Variants in TCERG1L observed in about 807,000 individuals in gnomAD.
TCERG1L encodes the protein transcription elongation regulator 1 like, also known as transcription elongation regulator 1-like protein.
Under a neutral mutation model 56.3 loss-of-function variants are expected in TCERG1L, and 37 were observed. That is an observed-to-expected ratio of 0.66 (90% CI 0.51 to 0.87). The LOEUF is 0.87. TCERG1L is among the 40% of genes least tolerant of loss of function. TCERG1L has a pLI of 0.00. For missense variants in TCERG1L, 799 were observed against 774.2 expected, an observed-to-expected ratio of 1.03 and a Z score of -0.38; for synonymous variants, 324 against 326.3, an observed-to-expected ratio of 0.99 and a Z score of 0.08.
intron 4 of TCERG1L, among the ~76,000 whole-genome samples, chr10:131,213,665 T>A (rs10765055): frequency 1.3e-5 from 2 of 152,122 alleles, no homozygotes; most frequent in East Asian, 1.9e-4. Context: ...TCCATCAGCC[T>A]CAGGTTCCAG....
chr10:131,162,947 T>G (rs2133430943), intron 6 of TCERG1L, 175 bp downstream of exon 6: 1 of 525,868 alleles, frequency 1.9e-6, no homozygotes, highest in Admixed American at 3.7e-5. Context: ...GCTGTTTTTT[T>G]CTTTCTGCAG....
At chr10:131,291,312 T>G (rs2133573406) in intron 3 of TCERG1L, among the ~76,000 whole-genome samples, 1 of 151,130 alleles carries the variant, frequency 6.6e-6, no homozygotes, top group South Asian at 2.1e-4. Flanking sequence ...ATATATTTCA[T>G]ATATATCTGT....
chr10:131,232,182 C>A (rs1458542189), intron 4 of TCERG1L, among the ~76,000 whole-genome samples: 1 of 152,258 alleles, frequency 6.6e-6, no homozygotes, highest in Non-Finnish European at 1.5e-5. Flanking sequence ...TTCATTCTCA[C>A]GCGCTGTCAT....
chr10:131,276,678 T>C (rs1331334631), intron 3 of TCERG1L, among the ~76,000 whole-genome samples: 3 of 152,108 alleles, frequency 2.0e-5, no homozygotes, highest in South Asian at 4.2e-4. Flanking sequence ...TTAAGATGAT[T>C]AAATGCCTCA....
At chr10:131,124,986 T>C (rs1845549838) in intron 8 of TCERG1L, among the ~76,000 whole-genome samples, 1 of 152,260 alleles carries the variant, frequency 6.6e-6, no homozygotes, top group Admixed American at 6.5e-5. Context: ...GATGGCTCAC[T>C]GTGTCAAACC....
At chr10:131,209,991 C>T (rs1281589562) in intron 4 of TCERG1L, among the ~76,000 whole-genome samples, 2 of 152,130 alleles carry the variant, frequency 1.3e-5, no homozygotes, top group South Asian at 2.1e-4. Flanking sequence ...GTCGTAATTT[C>T]GCTGTGCCAG....
chr10:131,177,602 G>A (rs971974577), intron 4 of TCERG1L, among the ~76,000 whole-genome samples: 2 of 152,212 alleles, frequency 1.3e-5, no homozygotes, highest in African/African-American at 2.4e-5. Flanking sequence ...TGGCTACCAC[G>A]CTGTCTCCCC....
At chr10:131,217,871 G>A (rs778899029) in intron 4 of TCERG1L, among the ~76,000 whole-genome samples, 26 of 151,816 alleles carry the variant, frequency 1.7e-4, no homozygotes, top group Non-Finnish European at 3.1e-4. Context: ...ACATGCGCCC[G>A]CCACCACGCC....
chr10:131,292,710 C>T (rs1020045575), intron 3 of TCERG1L, among the ~76,000 whole-genome samples: 1 of 152,062 alleles, frequency 6.6e-6, no homozygotes, highest in Non-Finnish European at 1.5e-5. Context: ...GGTTGAATTG[C>T]CCATTGAGTC....
chr10:131,144,029 A>C (rs1479674663), intron 7 of TCERG1L, among the ~76,000 whole-genome samples: 1 of 152,062 alleles, frequency 6.6e-6, no homozygotes, highest in East Asian at 1.9e-4. Flanking sequence ...TGTGAGCCAC[A>C]ACTTCCACGT....
intron 4 of TCERG1L, among the ~76,000 whole-genome samples, chr10:131,243,090 C>T (rs931906820): frequency 2.3e-4 from 35 of 151,924 alleles, no homozygotes; most frequent in Admixed American, 2.0e-3. Flanking sequence ...GTTCTGAATA[C>T]CTAAAGTTAG....
intron 9 of TCERG1L, among the ~76,000 whole-genome samples, chr10:131,116,537 C>T (rs568535344): frequency 2.6e-5 from 4 of 152,312 alleles, no homozygotes; most frequent in African/African-American, 4.8e-5. Flanking sequence ...GGCTGCCCCT[C>T]GGCCTCCACT....
chr10:131,163,113 G>A lies in TCERG1L; in HGVS notation c.1034+9C>T. ...TTGCTAGTGGCTCTCAGGCTTTGGG[G>A]TGTCTTACCAGGGGGATCCGGGCAC... On this transcript the variant is annotated intron_variant, in intron 6 of 11. Coordinates refer to ENST00000368642, the MANE Select transcript of TCERG1L (RefSeq NM_174937.4). 1 of 1,559,662 alleles carries A rather than the reference G, an allele frequency of 6.4e-7. No homozygotes were observed. The highest frequency in any genetic ancestry group is 8.7e-7 in the Non-Finnish European group (1 of 1,154,340).
rs59841992 is a variant in TCERG1L at position 131,285,451 on chromosome 10, AAG to A, written c.670+22758_670+22759del. 1.4e-3 allele frequency among the ~76,000 whole-genome samples: 200 copies of A among 143,924 alleles called. 1 individual carries two copies. Among genetic ancestry groups the A allele is most frequent in the Non-Finnish European group, 2.1e-3 (139 of 66,262 alleles). The allele number at this position is 143,924 out of a possible 152,430, so 94.4% of individuals were successfully genotyped here. On this transcript the variant is annotated intron_variant, in intron 3 of 11. Transcript: ENST00000368642. ...AGAAAGAGAGAAAGAGAAACAAAGA[AAG>A]AGAGAGAAAGGGAAGAAAGAAAGAA...
chr10:131,304,021 A>G (rs948306809), intron 3 of TCERG1L, among the ~76,000 whole-genome samples: 2 of 151,934 alleles, frequency 1.3e-5, no homozygotes, highest in Admixed American at 6.5e-5. Flanking sequence ...CTCATCTTCC[A>G]CTTTCTCTCC....
chr10:131,287,195 T>C (rs993149852), intron 3 of TCERG1L, among the ~76,000 whole-genome samples: 1 of 152,220 alleles, frequency 6.6e-6, no homozygotes, highest in Non-Finnish European at 1.5e-5. Flanking sequence ...AAACTTCCAG[T>C]AAGAAGAAAG....
At chr10:131,240,325 T>C (rs933372912) in intron 4 of TCERG1L, among the ~76,000 whole-genome samples, 15 of 146,924 alleles carry the variant, frequency 1.0e-4, no homozygotes, top group Non-Finnish European at 2.0e-4. Flanking sequence ...GAATGGTCCC[T>C]CCCACCCTGA....
chr10:131,272,882 GT>G (rs1846353993), intron 3 of TCERG1L, among the ~76,000 whole-genome samples: 1 of 152,224 alleles, frequency 6.6e-6, no homozygotes, highest in Admixed American at 6.5e-5. Flanking sequence ...TTCTGCATCT[GT>G]GGGGTGGGGA....
chr10:131,293,116 G>A (rs926601357), intron 3 of TCERG1L, among the ~76,000 whole-genome samples: 5 of 152,242 alleles, frequency 3.3e-5, no homozygotes, highest in Non-Finnish European at 2.9e-5. Context: ...CTCCCAAAGC[G>A]CTGGGATTAA....
Sources: gnomAD v4.1 joint callset for allele counts (sites outside exome capture counted in the v4.1 genomes callset) on GRCh38, gnomAD v4.1.1 for gene constraint, MANE v1.5 for transcripts, NCBI Gene and HGNC (gene_info 2026-07-23, HGNC 2026-07-21) for gene names.